The following IMPACT variants were observed in gnomAD, a reference collection of about 807,000 sequenced individuals.
The protein encoded by IMPACT is protein IMPACT.
Under a neutral mutation model 47.5 loss-of-function variants are expected in IMPACT, and 35 were observed. The ratio of observed to expected loss-of-function variants is 0.74; its 90% CI spans 0.56 to 0.98. IMPACT has a LOEUF of 0.98. Among genes scored for constraint, IMPACT ranks in the 50% least tolerant of loss-of-function variants. IMPACT has a pLI of 0.00. For missense variants in IMPACT, 373 were observed against 394.8 expected (o/e 0.94, Z 0.47); for synonymous variants, 118 against 125.6 (o/e 0.94, Z 0.40).
intron 5 of IMPACT, among the ~76,000 whole-genome samples, chr18:24,438,934 A>G (rs936556271): frequency 6.6e-6 from 1 of 152,164 alleles, no homozygotes; most frequent in Admixed American, 6.5e-5. Context: ...ACAAAGAGAG[A>G]GAAATATATT....
rs1909365877 is a variant in IMPACT, at chr18:24,450,813, AAGT to A, written c.931_933del (p.Val311del). 2 of 1,610,720 alleles carry A rather than the reference AAGT, an allele frequency of 1.2e-6. No homozygotes were observed. Among genetic ancestry groups the A allele is most frequent in the African/African-American group, 2.7e-5 (2 of 74,972 alleles). On this transcript the variant is annotated inframe_deletion, in exon 11 of 11. Transcript: ENST00000284202. Reference sequence around the variant, plus strand: ...TCTAAGGCTTTGGGAAAGAACAAAAAAGTAAGAAAAGACAAGAAGAGGAATGAA... The same window carrying A: ...TCTAAGGCTTTGGGAAAGAACAAAAAAAGAAAAGACAAGAAGAGGAATGAA...
Position 24,438,045 on chromosome 18 carries a change from G to T in IMPACT, c.367+5G>T. On this transcript the variant is annotated splice_donor_5th_base_variant and intron_variant, in intron 5 of 10. Coordinates refer to ENST00000284202, the MANE Select transcript of IMPACT (RefSeq NM_018439.4). Reference sequence around the variant, plus strand: ...AATCTCAGATGACAGAACCAGGTAGGATTGAAAAATACTATCAATACTCTT... The same window carrying T: ...AATCTCAGATGACAGAACCAGGTAGTATTGAAAAATACTATCAATACTCTT... The T allele has an allele frequency of 7.3e-7, 1 of 1,373,536 alleles. No individual in the cohort carries two copies. The highest frequency in any genetic ancestry group is 1.0e-6 in the Non-Finnish European group (1 of 978,130). 85.1% of individuals were successfully genotyped at this position (1,373,536 alleles called of 1,614,324 possible).
intron 4 of IMPACT, among the ~76,000 whole-genome samples, chr18:24,430,692 A>G (rs1908731097): frequency 6.6e-6 from 1 of 152,212 alleles, no homozygotes; most frequent in South Asian, 2.1e-4. Flanking sequence ...TGAACCCAGG[A>G]GTTTGAGACT....
chr18:24,438,913 TG>T (rs201682972), intron 5 of IMPACT, among the ~76,000 whole-genome samples: 3,819 of 152,270 alleles, frequency 0.025, 158 homozygotes, highest in African/African-American at 0.088. Flanking sequence ...CATGTGTGTA[TG>T]TACCCACACA....
intron 8 of IMPACT, among the ~76,000 whole-genome samples, chr18:24,445,935 AT>A (rs1167735395): frequency 1.3e-5 from 2 of 152,088 alleles, no homozygotes; most frequent in Non-Finnish European, 2.9e-5. Flanking sequence ...TTTCCTCAGG[AT>A]AGGTTCTGGT....
chr18:24,426,671 G>C lies in IMPACT; in HGVS notation c.-86G>C, dbSNP rs556376506. The C allele has an allele frequency of 9.5e-7, 1 of 1,054,460 alleles. No individual in the cohort carries two copies. The highest frequency in any genetic ancestry group is 1.7e-5 in the African/African-American group (1 of 60,558). The allele number at this position is 1,054,460 out of a possible 1,614,324, so 65.3% of individuals were successfully genotyped here. A position where few individuals can be genotyped will look rare whatever the true frequency, so the allele number is the denominator to read the frequency against. ...TGGTTCCGGGTCGGGCCGCGCCGCAGCCAGCTCTCGGCTCGCAGCCGCAGC... is the reference window on the plus strand; with the variant it reads ...TGGTTCCGGGTCGGGCCGCGCCGCACCCAGCTCTCGGCTCGCAGCCGCAGC... On this transcript the variant is annotated 5_prime_UTR_variant, in exon 1 of 11. Transcript: ENST00000284202.
chr18:24,449,414 C>T (rs1446728452), intron 9 of IMPACT, among the ~76,000 whole-genome samples: 3 of 152,148 alleles, frequency 2.0e-5, no homozygotes, highest in African/African-American at 4.8e-5. Context: ...ATTGATGCCT[C>T]GTGCAGCCCC....
At chr18:24,429,254 C>T (rs1018271741) in intron 3 of IMPACT, among the ~76,000 whole-genome samples, 11 of 152,124 alleles carry the variant, frequency 7.2e-5, no homozygotes, top group Admixed American at 5.9e-4. Flanking sequence ...ATCTCCTGAC[C>T]TAGCCACAGT....
At chr18:24,429,369 T>C (rs144627736) in intron 3 of IMPACT, 1 of 153,882 alleles carries the variant, frequency 6.5e-6, no homozygotes, top group East Asian at 1.9e-4. Context: ...ACCATCTTCT[T>C]AGCAGCCCGA....
At chr18:24,433,798 G>A (rs1280857466) in intron 4 of IMPACT, among the ~76,000 whole-genome samples, 1 of 150,982 alleles carries the variant, frequency 6.6e-6, no homozygotes, top group African/African-American at 2.4e-5. Context: ...AGCCTCCTGA[G>A]TAGCTGGGAT....
intron 4 of IMPACT, among the ~76,000 whole-genome samples, chr18:24,431,300 G>A (rs1283594764): frequency 6.6e-6 from 1 of 152,094 alleles, no homozygotes; most frequent in Admixed American, 6.5e-5. Flanking sequence ...CACAGGGCTT[G>A]GTGTTGGGGA....
intron 6 of IMPACT, among the ~76,000 whole-genome samples, chr18:24,442,405 G>A (rs975569782): frequency 2.0e-5 from 3 of 151,994 alleles, no homozygotes; most frequent in East Asian, 1.9e-4. Flanking sequence ...CCACTCCCTC[G>A]GCCTCCCAAA....
chr18:24,427,475 A>G (rs1234217556), intron 1 of IMPACT: 1 of 154,266 alleles, frequency 6.5e-6, no homozygotes, highest in African/African-American at 2.4e-5. Flanking sequence ...CCCCCAACAC[A>G]AAATTTAATA....
rs1277327070 is a variant in IMPACT, at chr18:24,452,571, A to G, written c.*1724A>G. ...ATTTTACTAACTAAAAAACTCTAGT[A>G]TTCTTTACCTAAAGTCAATTGGCTG... On this transcript the variant is annotated 3_prime_UTR_variant, in exon 11 of 11. Coordinates refer to ENST00000284202, the MANE Select transcript of IMPACT (RefSeq NM_018439.4). The G allele has an allele frequency of 6.6e-6, 1 of 152,180 alleles. No homozygotes were observed. Among genetic ancestry groups the G allele is most frequent in the Non-Finnish European group, 1.5e-5 (1 of 68,024 alleles). The allele number at this position is 152,180 out of a possible 1,614,324, so 9.4% of individuals were successfully genotyped here.
At chr18:24,433,337 C>T (rs2144334051) in intron 4 of IMPACT, among the ~76,000 whole-genome samples, 1 of 149,616 alleles carries the variant, frequency 6.7e-6, no homozygotes, top group South Asian at 2.1e-4. Flanking sequence ...GTAGCTGGGA[C>T]TACAGGCGCC....
At position 24,443,097 on chromosome 18, in the gene IMPACT, C is replaced by G; in HGVS notation, c.539C>G (p.Thr180Arg). The G allele has an allele frequency of 6.2e-7, 1 of 1,608,138 alleles. No homozygotes were observed. Among genetic ancestry groups the G allele is most frequent in the Non-Finnish European group, 8.5e-7 (1 of 1,176,210 alleles). The change falls in exon 7 of 11, where the codon ACA (threonine) becomes AGA (arginine). Residue 180 changes from threonine (T) to arginine (R), a missense_variant. Physicochemically the swap from Thr to Arg is moderately conservative, Grantham distance 71. Coordinates refer to ENST00000284202, the MANE Select transcript of IMPACT (RefSeq NM_018439.4). ...CCGATTGATCATGGCATTCCTATTA[C>G]AGACCGAAGAAGTACTTTTCAGGCA... ...LPPIDHGIPI[T>R]DRRSTFQAHL...
At chr18:24,428,604 A>G (rs1232533983) in intron 2 of IMPACT, among the ~76,000 whole-genome samples, 1 of 152,198 alleles carries the variant, frequency 6.6e-6, no homozygotes, top group Non-Finnish European at 1.5e-5. Context: ...AGAAGTATGT[A>G]TGGTTCTCTA....
At chr18:24,449,786 T>A (rs975589025) in intron 9 of IMPACT, 33 bp from the exon 10 acceptor site, 18 of 1,566,678 alleles carry the variant, frequency 1.1e-5, no homozygotes, top group Non-Finnish European at 1.6e-5. Context: ...CATGTCTGTC[T>A]ATGTATCTAA....
At chr18:24,432,579 T>C (rs1908784928) in intron 4 of IMPACT, among the ~76,000 whole-genome samples, 1 of 152,184 alleles carries the variant, frequency 6.6e-6, no homozygotes, top group South Asian at 2.1e-4. Context: ...GGCGGAAGTA[T>C]AAGTATTTCA....
Sources: gnomAD v4.1 joint callset for allele counts (sites outside exome capture counted in the v4.1 genomes callset) on GRCh38, gnomAD v4.1.1 for gene constraint, MANE v1.5 for transcripts, NCBI Gene and HGNC (gene_info 2026-07-23, HGNC 2026-07-21) for gene names.